FAM120A: variants seen among roughly 807,000 people sequenced by gnomAD.
FAM120A encodes the protein constitutive coactivator of PPAR-gamma-like protein 1.
Under a neutral mutation model 109.7 loss-of-function variants are expected in FAM120A, and 15 were observed. That is an observed-to-expected ratio of 0.14 (90% CI 0.09 to 0.21). FAM120A has a LOEUF of 0.21. Among genes scored for constraint, FAM120A ranks in the 10% least tolerant of loss-of-function variants. FAM120A has a pLI of 1.00. For missense variants in FAM120A, 899 were observed against 1,439.3 expected (o/e 0.62, Z 6.07); for synonymous variants, 493 against 572.8 (o/e 0.86, Z 1.99).
chr9:93,543,155 T>G, intron 10 of FAM120A, 67 bp from the exon 11 acceptor site: 1 of 1,562,798 alleles, frequency 6.4e-7, no homozygotes, highest in Non-Finnish European at 8.7e-7. Context: ...AGCTGCTTGT[T>G]TTTGTTAAGA....
intron 3 of FAM120A, among the ~76,000 whole-genome samples, chr9:93,483,994 T>A (rs554456472): frequency 4.6e-5 from 7 of 152,320 alleles, no homozygotes; most frequent in Admixed American, 6.5e-5. Context: ...CTGAGGAATC[T>A]GCTGGAATCT....
chr9:93,550,717 T>C (rs1033718605), intron 12 of FAM120A, 26 bp downstream of exon 12: 11 of 1,564,100 alleles, frequency 7.0e-6, no homozygotes, highest in Non-Finnish European at 9.7e-6. Context: ...CATTGCATTG[T>C]CTTGGACAGT....
At chr9:93,474,415 T>C (rs1246030251) in intron 2 of FAM120A, among the ~76,000 whole-genome samples, 3 of 152,162 alleles carry the variant, frequency 2.0e-5, no homozygotes, top group Non-Finnish European at 4.4e-5. Flanking sequence ...AAGCTTATTT[T>C]TCTTTTCCCT....
At chr9:93,489,636 A>G (rs1254462471) in intron 3 of FAM120A, among the ~76,000 whole-genome samples, 1 of 152,222 alleles carries the variant, frequency 6.6e-6, no homozygotes, top group Non-Finnish European at 1.5e-5. Context: ...AGTGATGGTC[A>G]CACTTAGCAT....
At chr9:93,561,022 T>C (rs1862446634) in intron 15 of FAM120A, 87 bp from the exon 16 acceptor site, 3 of 1,470,264 alleles carry the variant, frequency 2.0e-6, no homozygotes, top group Non-Finnish European at 2.8e-6. Context: ...AAACCAAAAC[T>C]GAAAAGAAGT....
chr9:93,497,368 T>A (rs1859617652), intron 3 of FAM120A, 103 bp from the exon 4 acceptor site: 3 of 1,446,942 alleles, frequency 2.1e-6, no homozygotes, highest in Non-Finnish European at 1.9e-6. Context: ...ACTGATAAGA[T>A]CTTAGATGGT....
intron 1 of FAM120A, chr9:93,453,380 C>A (rs1857379131): frequency 4.1e-6 from 4 of 985,376 alleles, no homozygotes; most frequent in Non-Finnish European, 4.8e-6. Flanking sequence ...TGATCCTGGA[C>A]TTCACGTTCT....
intron 1 of FAM120A, among the ~76,000 whole-genome samples, chr9:93,460,350 GC>G (rs1459308199): frequency 1.3e-5 from 2 of 151,670 alleles, no homozygotes; most frequent in Non-Finnish European, 2.9e-5. Flanking sequence ...TTTCCTTTTC[GC>G]TTTTTTTTGA....
In FAM120A at chr9:93,561,334, A is replaced by G. The variant is rs1389153827; in HGVS notation, c.2948+84A>G. On this transcript the variant is annotated intron_variant, in intron 16 of 17. Transcript: ENST00000277165. ...GCTTTTTTTTGGAAGTTTAAGTAGG[A>G]ACATTTTTATATCATTAGATACATT... is the stretch of plus-strand genomic sequence containing the variant. 3 of 1,290,720 alleles carry G rather than the reference A, an allele frequency of 2.3e-6. No individual in the cohort carries two copies. In the African/African-American group the frequency reaches 4.6e-5, roughly 20 times the overall value. The allele number at this position is 1,290,720 out of a possible 1,614,324, so 80.0% of individuals were successfully genotyped here.
intron 1 of FAM120A, chr9:93,453,229 T>C: frequency 1.0e-6 from 1 of 996,532 alleles, no homozygotes; most frequent in Non-Finnish European, 1.2e-6. Context: ...TCAGTGACCT[T>C]CAGCGGTGCC....
Position 93,557,993 on chromosome 9 carries a change from G to T in FAM120A, c.2651G>T (p.Arg884Met). 6.3e-7 allele frequency: 1 copy of T among 1,597,582 alleles called. No homozygotes were observed. The highest frequency in any genetic ancestry group is 1.3e-5 in the African/African-American group (1 of 74,916). Residue 884 changes from arginine to methionine, a missense_variant, in exon 14 of 18, where the codon AGG (arginine) becomes ATG (methionine). This residue lies in a region of FAM120A where 129 missense variants were observed against 153.4 expected (regional missense o/e 0.84). Coordinates refer to ENST00000277165, the MANE Select transcript of FAM120A (RefSeq NM_014612.5). ...HFGPVPPSQG[R>M]GRGFAGVCGF... ...GGGCCTGTCCCACCCTCTCAGGGCA[G>T]GGGCAGAGGCTTTGCAGGTGAGTTG...
At chr9:93,453,616 T>G in intron 1 of FAM120A, 1 of 985,376 alleles carries the variant, frequency 1.0e-6, no homozygotes, top group Non-Finnish European at 1.2e-6. Flanking sequence ...ACGATCCGGT[T>G]GCAATTGGTG....
At position 93,479,194 on chromosome 9, in the gene FAM120A, T is replaced by G. The variant is rs986671887; in HGVS notation, c.804+2856T>G. 2.7e-5 allele frequency among the ~76,000 whole-genome samples: 4 copies of G among 148,746 alleles called. No homozygotes were observed. In the East Asian group the frequency reaches 6.0e-4, roughly 22 times the overall value. ...GCTCACTGCAAGCTCCGCCTCCCGG[T>G]TTCATGCCATTCTCCTGCCTCAGCC... On this transcript the variant is annotated intron_variant, in intron 3 of 17. Coordinates refer to ENST00000277165, the MANE Select transcript of FAM120A (RefSeq NM_014612.5).
At chr9:93,528,588 C>T (rs1861187179) in intron 8 of FAM120A, among the ~76,000 whole-genome samples, 2 of 152,154 alleles carry the variant, frequency 1.3e-5, no homozygotes, top group Admixed American at 1.3e-4. Flanking sequence ...TGTGTATGTC[C>T]ATACACTCCA....
At chr9:93,507,089 G>A (rs1860095333) in intron 5 of FAM120A, among the ~76,000 whole-genome samples, 1 of 152,102 alleles carries the variant, frequency 6.6e-6, no homozygotes, top group South Asian at 2.1e-4. Flanking sequence ...CATTTGAATT[G>A]CTTGGGCCTC....
In FAM120A at chr9:93,506,788, G is replaced by T. The variant is rs1860081240; in HGVS notation, c.1030+7902G>T. 2.6e-5 allele frequency among the ~76,000 whole-genome samples: 4 copies of T among 152,046 alleles called. No individual in the cohort carries two copies. In the South Asian group the frequency reaches 6.2e-4, roughly 24 times the overall value. On this transcript the variant is annotated intron_variant, in intron 5 of 17. Coordinates refer to ENST00000277165, the MANE Select transcript of FAM120A (RefSeq NM_014612.5). ...AATTTTTGTATTTTTAGTAGAGACG[G>T]GGTTTCACTGTGTTAGCCAGGCTGA...
rs1205553818 is a variant in FAM120A, at chr9:93,451,736, A to G, written c.-180A>G. 1.7e-5 allele frequency: 17 copies of G among 977,192 alleles called. No homozygotes were observed. The highest frequency in any genetic ancestry group is 6.6e-5 in the Admixed American group (1 of 15,134). 60.5% of individuals were successfully genotyped at this position (977,192 alleles called of 1,614,324 possible). A position where few individuals can be genotyped will look rare whatever the true frequency, so the allele number is the denominator to read the frequency against. Reference sequence around the variant, plus strand: ...GGCGGCGGCAGGTCCCTCCCCAGACATGGCCCTGGGAGGCGGCAGCACATG... The same window carrying G: ...GGCGGCGGCAGGTCCCTCCCCAGACGTGGCCCTGGGAGGCGGCAGCACATG... On this transcript the variant is annotated 5_prime_UTR_variant, in exon 1 of 18. It removes an upstream start codon present in the reference 5' UTR. Transcript: ENST00000277165.
intron 10 of FAM120A, among the ~76,000 whole-genome samples, chr9:93,537,856 T>G (rs1299175838): frequency 6.6e-6 from 1 of 152,210 alleles, no homozygotes; most frequent in Non-Finnish European, 1.5e-5. Flanking sequence ...TGATTTCTGT[T>G]AATAAGTCTG....
At chr9:93,546,868 CAGGTG>C (rs1478294712) in intron 11 of FAM120A, among the ~76,000 whole-genome samples, 1 of 152,180 alleles carries the variant, frequency 6.6e-6, no homozygotes, top group Non-Finnish European at 1.5e-5. Context: ...CCATTAGAGT[CAGGTG>C]ATGCATTTGG....
Sources: allele counts gnomAD v4.1 joint callset (sites outside exome capture counted in the v4.1 genomes callset), GRCh38; gene constraint gnomAD v4.1.1; regional missense constraint gnomAD v4.1.1; transcripts MANE v1.5; gene names NCBI Gene and HGNC (gene_info 2026-07-23, HGNC 2026-07-21).